The following BRD1 variants were observed in gnomAD, a reference collection of about 807,000 sequenced individuals.
The protein encoded by BRD1 is bromodomain-containing protein 1.
A neutral mutation model predicts 107.7 loss-of-function variants in BRD1; 24 were observed. That is an observed-to-expected ratio of 0.22 (90% confidence interval 0.16 to 0.31). The LOEUF (loss-of-function observed/expected upper bound fraction) is 0.31, where lower values mean the gene tolerates loss of function less well. Ranked by LOEUF, BRD1 falls within the 10% of genes least tolerant of loss-of-function variation. BRD1 has a pLI of 1.00. For missense variants in BRD1, 1,279 were observed against 1,638.6 expected (o/e 0.78, Z 3.79); for synonymous variants, 744 against 686.1 (o/e 1.08, Z -1.32).
intron 8 of BRD1, among the ~76,000 whole-genome samples, chr22:49,784,686 TTCCTG>T (rs1262881839): frequency 6.6e-6 from 1 of 152,242 alleles, no homozygotes. Flanking sequence ...TTCCGGATAA[TTCCTG>T]TCCTAAGACT....
chr22:49,800,908 G>C (rs1334586090), intron 3 of BRD1, among the ~76,000 whole-genome samples: 2 of 142,734 alleles, frequency 1.4e-5, no homozygotes, highest in African/African-American at 2.6e-5. Flanking sequence ...GCTAGGCGAC[G>C]GTCAGGTTAA....
At chr22:49,788,933 T>C (rs375573108) in intron 7 of BRD1, among the ~76,000 whole-genome samples, 9 of 152,278 alleles carry the variant, frequency 5.9e-5, no homozygotes, top group Non-Finnish European at 1.0e-4. Flanking sequence ...TGGTTACTAT[T>C]GTCATTCAAA....
chr22:49,798,806 C>T, intron 4 of BRD1, 120 bp from the exon 5 acceptor site: 1 of 1,440,322 alleles, frequency 6.9e-7, no homozygotes, highest in Non-Finnish European at 9.1e-7. Context: ...AGGCATAGGA[C>T]AACGCAGCCT....
chr22:49,822,862 C>T, intron 2 of BRD1, 89 bp downstream of exon 2: 2 of 1,471,648 alleles, frequency 1.4e-6, no homozygotes, highest in Non-Finnish European at 1.8e-6. Context: ...GCAATGACCA[C>T]ACAGCACGGG....
At chr22:49,808,695 C>A (rs1043236382) in intron 2 of BRD1, among the ~76,000 whole-genome samples, 11 of 152,214 alleles carry the variant, frequency 7.2e-5, no homozygotes, top group African/African-American at 2.7e-4. Context: ...GTTATGTGTA[C>A]GTGACCACAG....
chr22:49,780,198 C>T (rs1235744717), intron 8 of BRD1, among the ~76,000 whole-genome samples: 2 of 152,182 alleles, frequency 1.3e-5, no homozygotes, highest in Admixed American at 6.5e-5. Context: ...CCAAGCCATG[C>T]ACAGACCACT....
intron 2 of BRD1, among the ~76,000 whole-genome samples, chr22:49,814,115 G>C (rs775721312): frequency 5.9e-5 from 9 of 152,146 alleles, no homozygotes; most frequent in Non-Finnish European, 1.3e-4. Flanking sequence ...GAGAGGGGAG[G>C]CTGGCCAGGT....
intron 11 of BRD1, 105 bp downstream of exon 11, chr22:49,775,945 G>A (rs2059087698): frequency 2.5e-6 from 3 of 1,182,772 alleles, no homozygotes; most frequent in Admixed American, 2.1e-5. Flanking sequence ...CCCGCCAGCT[G>A]TGGAACCTCC....
chr22:49,780,226 C>A (rs1249285877), intron 8 of BRD1, among the ~76,000 whole-genome samples: 1 of 152,230 alleles, frequency 6.6e-6, no homozygotes, highest in East Asian at 1.9e-4. Context: ...CACGACGGCC[C>A]CGGCTCCGTG....
intron 3 of BRD1, among the ~76,000 whole-genome samples, chr22:49,801,747 G>A (rs1012708753): frequency 6.6e-6 from 1 of 152,230 alleles, no homozygotes; most frequent in Admixed American, 6.5e-5. Flanking sequence ...AGGCCTAACA[G>A]GCAGCGATGA....
In BRD1 at chr22:49,823,973, A is replaced by T; in HGVS notation, c.345T>A (p.Ser115Arg). Residue 115 changes from serine to arginine, a missense_variant, in exon 2 of 13, where the codon AGT becomes AGA. Coordinates refer to ENST00000404760, the MANE Select transcript of BRD1 (RefSeq NM_001304808.3). ...TGCGCACCTTGGGCTCCGGGAGGGC[A>T]CTGGCCGAGGCCGGCGTGCCGTGGG... ...PSAHGTPASA[S>R]ALPEPKVRIV... The T allele has an allele frequency of 6.2e-7, 1 of 1,614,026 alleles. No homozygotes were observed. Among genetic ancestry groups the T allele is most frequent in the Non-Finnish European group, 8.5e-7 (1 of 1,180,022 alleles).
intron 8 of BRD1, among the ~76,000 whole-genome samples, chr22:49,778,495 A>T (rs1259098438): frequency 6.6e-6 from 1 of 152,254 alleles, no homozygotes; most frequent in Non-Finnish European, 1.5e-5. Flanking sequence ...TGTTTAAAAA[A>T]TAAGGCAAAT....
intron 8 of BRD1, among the ~76,000 whole-genome samples, chr22:49,785,530 G>C (rs2059306568): frequency 6.6e-6 from 1 of 152,228 alleles, no homozygotes; most frequent in African/African-American, 2.4e-5. Flanking sequence ...TGGAAAACCA[G>C]GTCAGAGTCT....
In BRD1 at chr22:49,790,861, C is replaced by T. The variant is rs906721420; in HGVS notation, c.2360-2974G>A. ...TCTCCACGTGCTCAGCGCCCGTGCACGGCAGGGGGACTTCCACACGTGCAC... is the reference window on the plus strand; with the variant it reads ...TCTCCACGTGCTCAGCGCCCGTGCATGGCAGGGGGACTTCCACACGTGCAC... On this transcript the variant is annotated intron_variant, in intron 7 of 12. Transcript: ENST00000404760. Among the ~76,000 whole-genome samples the T allele has an allele frequency of 4.6e-5, 7 of 152,366 alleles. No homozygotes were observed. In the East Asian group the frequency reaches 7.7e-4, roughly 17 times the overall value.
At chr22:49,819,706 C>G (rs577235228) in intron 2 of BRD1, among the ~76,000 whole-genome samples, 2 of 151,824 alleles carry the variant, frequency 1.3e-5, no homozygotes, top group African/African-American at 4.8e-5. Context: ...ACCTCGGCCT[C>G]CCAAAGTGCT....
rs1474953282 is a variant in BRD1 at position 49,823,524 on chromosome 22, C to A, written c.794G>T (p.Arg265Leu). 2.5e-6 allele frequency: 4 copies of A among 1,601,012 alleles called. No individual in the cohort carries two copies. The highest frequency in any genetic ancestry group is 3.4e-6 in the Non-Finnish European group (4 of 1,173,522). Reference protein sequence around the residue: ...QWLCRHCLQSRARPADCVLCP... With the variant: ...QWLCRHCLQSLARPADCVLCP... Reference sequence around the variant, plus strand: ...CAGCACACAGTCGGCGGGCCGGGCCCGCGACTGCAGGCAGTGGCGGCAGAG... The same window carrying A: ...CAGCACACAGTCGGCGGGCCGGGCCAGCGACTGCAGGCAGTGGCGGCAGAG... The change falls in exon 2 of 13, where the codon CGG (arginine) becomes CTG (leucine). Residue 265 changes from arginine (R) to leucine (L), a missense_variant. Arg to Leu is a moderately radical substitution (Grantham distance 102, BLOSUM62 -2). Coordinates refer to ENST00000404760, the MANE Select transcript of BRD1 (RefSeq NM_001304808.3).
intron 2 of BRD1, among the ~76,000 whole-genome samples, chr22:49,821,306 C>T (rs192823008): frequency 6.6e-6 from 1 of 152,300 alleles, no homozygotes; most frequent in Admixed American, 6.5e-5. Flanking sequence ...GTTTATTTTG[C>T]TTCAATTTCA....
chr22:49,824,648 C>T lies in BRD1; in HGVS notation c.-14-317G>A, dbSNP rs915413809. 1.7e-6 allele frequency: 2 copies of T among 1,157,842 alleles called. No homozygotes were observed. Among genetic ancestry groups the T allele is most frequent in the African/African-American group, 3.1e-5 (2 of 63,732 alleles). 71.7% of individuals were successfully genotyped at this position (1,157,842 alleles called of 1,614,324 possible). A position where few individuals can be genotyped will look rare whatever the true frequency, so the allele number is the denominator to read the frequency against. The stretch of plus-strand genomic sequence containing the variant: ...CTGCGGAGACCACAGCAACGCTCCC[C>T]AAGGAGGAGGGGTCCGGCCCAGAGC... On this transcript the variant is annotated intron_variant, in intron 1 of 12. Transcript: ENST00000404760. This position sits in a 1 kb window ranked among gnomAD's most constrained non-coding sequence, Gnocchi z 5.9.
At chr22:49,821,607 CTTTTT>C (rs138878) in intron 2 of BRD1, among the ~76,000 whole-genome samples, 2 of 133,644 alleles carry the variant, frequency 1.5e-5, no homozygotes, top group Non-Finnish European at 3.4e-5. Context: ...CTTAAAACTT[CTTTTT>C]TTTTTTTTGA....
Sources: allele counts gnomAD v4.1 joint callset (sites outside exome capture counted in the v4.1 genomes callset), GRCh38; gene constraint gnomAD v4.1.1; non-coding constraint Gnocchi (gnomAD v3.1); transcripts MANE v1.5; gene names NCBI Gene and HGNC (gene_info 2026-07-23, HGNC 2026-07-21).